The following CADPS2 variants were observed in gnomAD, a reference collection of about 807,000 sequenced individuals.
CADPS2 encodes calcium dependent secretion activator 2, also known as calcium-dependent secretion activator 2.
A neutral mutation model predicts 172.5 loss-of-function variants in CADPS2; 93 were observed. That is an observed-to-expected ratio of 0.54 (90% CI 0.46 to 0.64). CADPS2 has a LOEUF of 0.64. CADPS2 is among the 30% of genes least tolerant of loss of function. CADPS2 has a pLI of 0.00. For synonymous variants in CADPS2, 546 were observed against 555.2 expected, an observed-to-expected ratio of 0.98 and a Z score of 0.23; for missense variants, 1,420 against 1,565.9, an observed-to-expected ratio of 0.91 and a Z score of 1.57.
intron 1 of CADPS2, among the ~76,000 whole-genome samples, chr7:122,820,123 C>T (rs1802706228): frequency 6.6e-6 from 1 of 152,144 alleles, no homozygotes; most frequent in South Asian, 2.1e-4. Flanking sequence ...ATATACTCTC[C>T]TATCCTCAAT....
intron 14 of CADPS2, among the ~76,000 whole-genome samples, chr7:122,466,490 C>T (rs2055155868): frequency 6.6e-6 from 1 of 152,112 alleles, no homozygotes; most frequent in South Asian, 2.1e-4. Context: ...TCCCCATGAC[C>T]ACGGATAGGA....
At chr7:122,814,636 C>T (rs1800858178) in intron 1 of CADPS2, among the ~76,000 whole-genome samples, 1 of 152,064 alleles carries the variant, frequency 6.6e-6, no homozygotes, top group South Asian at 2.1e-4. Flanking sequence ...TTTTGTACTA[C>T]AACAGCAGAG....
At chr7:122,732,830 A>ATAATAT (rs1562885762) in intron 2 of CADPS2, among the ~76,000 whole-genome samples, 2 of 138,660 alleles carry the variant, frequency 1.4e-5, no homozygotes, top group African/African-American at 2.7e-5. Flanking sequence ...TATTATATAT[A>ATAATAT]ATATACATTA....
chr7:122,636,429 C>T (rs953573081), intron 3 of CADPS2, among the ~76,000 whole-genome samples: 1 of 150,536 alleles, frequency 6.6e-6, no homozygotes, highest in African/African-American at 2.4e-5. Context: ...AGGCCCCCAT[C>T]CTCTTCCGGC....
At chr7:122,661,387 CAACTT>C (rs2080511064) in intron 3 of CADPS2, among the ~76,000 whole-genome samples, 1 of 151,780 alleles carries the variant, frequency 6.6e-6, no homozygotes, top group Non-Finnish European at 1.5e-5. Flanking sequence ...AGTAGGCAGA[CAACTT>C]AAACATATTT....
At chr7:122,691,583 G>A (rs1030635085) in intron 2 of CADPS2, among the ~76,000 whole-genome samples, 2 of 152,182 alleles carry the variant, frequency 1.3e-5, no homozygotes, top group African/African-American at 2.4e-5. Context: ...CCAGAGGTTC[G>A]CATAACGTCA....
At chr7:122,858,876 A>G (rs887586660) in intron 1 of CADPS2, among the ~76,000 whole-genome samples, 3 of 152,204 alleles carry the variant, frequency 2.0e-5, no homozygotes, top group Admixed American at 2.0e-4. Context: ...GCTATCTTTA[A>G]TGAGAAAAAA....
At chr7:122,662,853 T>C (rs1234868598) in intron 3 of CADPS2, among the ~76,000 whole-genome samples, 1 of 152,218 alleles carries the variant, frequency 6.6e-6, no homozygotes, top group Admixed American at 6.5e-5. Flanking sequence ...ACCAGCATCA[T>C]ATCTTTATAA....
chr7:122,412,511 C>G (rs538139597), intron 19 of CADPS2, among the ~76,000 whole-genome samples: 1 of 152,190 alleles, frequency 6.6e-6, no homozygotes, highest in African/African-American at 2.4e-5. Context: ...TGTGTTCACA[C>G]TGAACTCTCA....
intron 11 of CADPS2, among the ~76,000 whole-genome samples, chr7:122,485,081 T>A (rs927447320): frequency 1.3e-5 from 2 of 152,180 alleles, no homozygotes; most frequent in African/African-American, 4.8e-5. Context: ...GTTATATGTG[T>A]TCTGACTGTT....
At chr7:122,452,729 C>T (rs2053280942) in intron 14 of CADPS2, among the ~76,000 whole-genome samples, 1 of 151,970 alleles carries the variant, frequency 6.6e-6, no homozygotes, top group Admixed American at 6.6e-5. Flanking sequence ...ATTTTAATTC[C>T]CAAAGACTTG....
rs144954222 is a variant in CADPS2 at position 122,587,827 on chromosome 7, C to T, written c.1224-6537G>A. The stretch of plus-strand genomic sequence containing the variant: ...ATGGTTGAACTAATTTACATTCCCA[C>T]CAACAGTGTAAAAGTGTTCCTATTT... On this transcript the variant is annotated intron_variant, in intron 6 of 29. Coordinates refer to ENST00000449022, the MANE Select transcript of CADPS2 (RefSeq NM_017954.11). Among the ~76,000 whole-genome samples, 638 of 152,242 alleles carry T rather than the reference C, an allele frequency of 4.2e-3. 2 individuals are homozygous for T. Among genetic ancestry groups the T allele is most frequent in the African/African-American group, 0.015 (620 of 41,548 alleles).
chr7:122,577,319 C>G (rs1238946494), intron 7 of CADPS2, among the ~76,000 whole-genome samples: 2 of 152,024 alleles, frequency 1.3e-5, no homozygotes, highest in African/African-American at 4.8e-5. Flanking sequence ...TCTAAAAGTC[C>G]CCTGTGTACC....
intron 1 of CADPS2, among the ~76,000 whole-genome samples, chr7:122,789,888 T>A (rs937285408): frequency 6.6e-6 from 1 of 152,060 alleles, no homozygotes; most frequent in Non-Finnish European, 1.5e-5. Context: ...GGGATACAAA[T>A]AAGCATGTCA....
intron 1 of CADPS2, among the ~76,000 whole-genome samples, chr7:122,873,384 T>C (rs570839521): frequency 6.7e-4 from 102 of 152,296 alleles, no homozygotes; most frequent in Non-Finnish European, 1.3e-3. Flanking sequence ...CATGTTCTCA[T>C]TGTTCAACTC....
chr7:122,468,216 G>A (rs2152129789), intron 14 of CADPS2, among the ~76,000 whole-genome samples: 1 of 151,286 alleles, frequency 6.6e-6, no homozygotes, highest in East Asian at 2.0e-4. Flanking sequence ...GGTAGTTCAG[G>A]TAATGAGCAA....
chr7:122,751,292 T>C (rs1250269297), intron 1 of CADPS2, among the ~76,000 whole-genome samples: 6 of 151,990 alleles, frequency 3.9e-5, no homozygotes, highest in Non-Finnish European at 8.8e-5. Context: ...GAAAACAATC[T>C]AAAATGCTAA....
intron 1 of CADPS2, among the ~76,000 whole-genome samples, chr7:122,805,628 G>A (rs1798633776): frequency 6.6e-6 from 1 of 152,112 alleles, no homozygotes; most frequent in African/African-American, 2.4e-5. Flanking sequence ...ATTCAGACAT[G>A]TCACATAATC....
intron 6 of CADPS2, 71 bp from the exon 7 acceptor site, chr7:122,581,361 T>A: frequency 1.7e-6 from 2 of 1,180,382 alleles, no homozygotes; most frequent in Non-Finnish European, 1.3e-6. Flanking sequence ...TGTGTCTCCA[T>A]AGAAGGCAAA....
Sources: allele counts gnomAD v4.1 joint callset (sites outside exome capture counted in the v4.1 genomes callset), GRCh38; gene constraint gnomAD v4.1.1; transcripts MANE v1.5; gene names NCBI Gene and HGNC (gene_info 2026-07-23, HGNC 2026-07-21).